STAT2: variants seen among roughly 807,000 people sequenced by gnomAD.
STAT2 encodes the protein signal transducer and activator of transcription 2.
STAT2 carries 51 observed loss-of-function variants against 122.3 expected under a neutral mutation model. That is an observed-to-expected ratio of 0.42 (90% CI 0.33 to 0.53). The LOEUF is 0.53. STAT2 is among the 20% of genes least tolerant of loss of function. STAT2 has a pLI of 0.10. For missense variants in STAT2, 736 were observed against 1,010.3 expected (o/e 0.73, Z 3.68); for synonymous variants, 351 against 394.9 (o/e 0.89, Z 1.32).
Position 56,355,359 on chromosome 12 carries a change from G to C in STAT2, c.472-8C>G. The C allele has an allele frequency of 6.2e-7, 1 of 1,614,186 alleles. No homozygotes were observed. The highest frequency in any genetic ancestry group is 1.3e-5 in the African/African-American group (1 of 75,038). On this transcript the variant is annotated splice_region_variant and splice_polypyrimidine_tract_variant and intron_variant, in intron 5 of 23. Transcript: ENST00000314128. ...GATGGATTTTACCAGCTTCTGCAGA[G>C]GGGAGAGGACCCCGATGAGGCTGCT...
At chr12:56,359,990 C>T in intron 1 of STAT2, 68 bp downstream of exon 1, 1 of 964,962 alleles carries the variant, frequency 1.0e-6, no homozygotes, top group Non-Finnish European at 1.2e-6. Flanking sequence ...GGCCAGTCGC[C>T]CTTCCCTCGG....
intron 10 of STAT2, 25 bp from the exon 11 acceptor site, chr12:56,350,913 G>T (rs1390448397): frequency 1.2e-6 from 2 of 1,613,944 alleles, no homozygotes. Flanking sequence ...GGGGATAGGG[G>T]AAAGTGGTCA....
chr12:56,354,313 G>A (rs923176314), intron 8 of STAT2, 153 bp downstream of exon 8: 145 of 1,165,918 alleles, frequency 1.2e-4, no homozygotes, highest in Non-Finnish European at 1.3e-4. Flanking sequence ...TGGTGAGGAT[G>A]AGGAGCAGAA....
intron 6 of STAT2, 114 bp downstream of exon 6, chr12:56,355,162 A>G: frequency 8.1e-7 from 1 of 1,235,088 alleles, no homozygotes; most frequent in Admixed American, 1.9e-5. Context: ...GACTGTAGTC[A>G]GTGGGGTGTG....
rs564921356 is a variant in STAT2 at position 56,352,505 on chromosome 12, C to T, written c.783-1055G>A. 5.3e-5 allele frequency: 8 copies of T among 151,914 alleles called. No individual in the cohort carries two copies. The East Asian group carries it at 1.4e-3, about 26-fold the overall frequency. The allele number at this position is 151,914 out of a possible 1,614,324, so 9.4% of individuals were successfully genotyped here. ...TGACATGGTGGCTCACACCTGTAAT[C>T]TCAGCACTTTGGGAAGCAAAGGTGG... On this transcript the variant is annotated intron_variant, in intron 8 of 23. Transcript: ENST00000314128.
Position 56,354,016 on chromosome 12 carries a change from A to AAAAAAAAAAT in STAT2, c.782+449_782+450insATTTTTTTTT, listed in dbSNP as rs71081350. On this transcript the variant is annotated intron_variant, in intron 8 of 23. Transcript: ENST00000314128. ...GTCTCAAAAAAAAAAAAAAAAAAAA[A>AAAAAAAAAAT]ATATATATATATATATATATATATA... Among the ~76,000 whole-genome samples, 60 of 16,688 alleles carry AAAAAAAAAAT rather than the reference A, an allele frequency of 3.6e-3. 1 individual carries two copies. Among genetic ancestry groups the AAAAAAAAAAT allele is most frequent in the African/African-American group, 6.4e-3 (59 of 9,184 alleles). 10.9% of individuals were successfully genotyped at this position (16,688 alleles called of 152,430 possible). A position where few individuals can be genotyped will look rare whatever the true frequency, so the allele number is the denominator to read the frequency against.
chr12:56,348,086 TG>T (rs1027856347), intron 19 of STAT2, among the ~76,000 whole-genome samples: 13 of 146,500 alleles, frequency 8.9e-5, no homozygotes, highest in African/African-American at 2.9e-4. Flanking sequence ...TATTATTGGT[TG>T]TTTTTTTTTT....
intron 22 of STAT2, among the ~76,000 whole-genome samples, chr12:56,345,043 G>A (rs1156461566): frequency 4.7e-5 from 7 of 149,900 alleles, no homozygotes; most frequent in African/African-American, 7.4e-5. Context: ...CATGGGTGGC[G>A]CTCGCCTGTA....
At chr12:56,343,559 C>G in intron 23 of STAT2, 28 bp from the exon 24 acceptor site, 1 of 1,606,482 alleles carries the variant, frequency 6.2e-7, no homozygotes, top group African/African-American at 1.3e-5. Context: ...AAAAGTGAGG[C>G]CCCGATCTTA....
intron 1 of STAT2, among the ~76,000 whole-genome samples, chr12:56,357,095 G>A (rs1879638149): frequency 6.9e-6 from 1 of 145,920 alleles, no homozygotes; most frequent in South Asian, 2.1e-4. Flanking sequence ...GGAGTGAAGT[G>A]GCATGATCTT....
chr12:56,354,059 T>TA (rs1170642104), intron 8 of STAT2, among the ~76,000 whole-genome samples: 4 of 92,644 alleles, frequency 4.3e-5, no homozygotes, highest in Admixed American at 1.4e-4. Context: ...CTGTTAAGCT[T>TA]AAAAAAAACC....
Position 56,346,530 on chromosome 12 carries a change from A to C in STAT2, c.1956T>G (p.Thr652=), listed in dbSNP as rs759410365. ...GTGGGTTTTCAGGTATATTCTCCTC[A>C]GTGAGCAACTGGTAATGGCGGATGA... The part of the protein sequence containing the change: ...TEIIRHYQLL[T]EENIPENPLR... The change falls in exon 21 of 24, where the codon ACT becomes ACG. Residue 652 remains threonine (T), a synonymous_variant. Transcript: ENST00000314128. 1 of 1,614,200 alleles carries C rather than the reference A, an allele frequency of 6.2e-7. No individual in the cohort carries two copies. Among genetic ancestry groups the C allele is most frequent in the South Asian group, 1.1e-5 (1 of 91,082 alleles).
intron 22 of STAT2, among the ~76,000 whole-genome samples, chr12:56,345,524 A>AAAAAAATATATATAT (rs1555169410): frequency 3.8e-5 from 1 of 26,250 alleles, no homozygotes; most frequent in Admixed American, 5.4e-4. Context: ...AAAAAAAAAA[A>AAAAAAATATATATAT]ATATATATAT....
At chr12:56,346,286 GCAGT>G (rs1877446116) in intron 21 of STAT2, 83 bp from the exon 22 acceptor site, 1 of 1,574,760 alleles carries the variant, frequency 6.4e-7, no homozygotes, top group Admixed American at 1.7e-5. Context: ...GATGGTCCTG[GCAGT>G]CTCATCCCCA....
At chr12:56,346,676 G>C (rs1206613168) in intron 20 of STAT2, 52 bp from the exon 21 acceptor site, 2 of 1,607,536 alleles carry the variant, frequency 1.2e-6, no homozygotes, top group East Asian at 2.2e-5. Flanking sequence ...GCCGGGCCTT[G>C]GAGCTCTCTG....
rs190492700 is a variant in STAT2 at position 56,350,526 on chromosome 12, C to T, written c.1095-94G>A. 13 of 1,177,996 alleles carry T rather than the reference C, an allele frequency of 1.1e-5. No homozygotes were observed. The Admixed American group carries it at 1.3e-4, about 11-fold the overall frequency. The allele number at this position is 1,177,996 out of a possible 1,614,324, so 73.0% of individuals were successfully genotyped here. A position where few individuals can be genotyped will look rare whatever the true frequency, so the allele number is the denominator to read the frequency against. Reference sequence around the variant, plus strand: ...GATCAGACAGACCTCGGTTCAAACCCGACTTGAGCTCACTAGCTATGTGGC... The same window carrying T: ...GATCAGACAGACCTCGGTTCAAACCTGACTTGAGCTCACTAGCTATGTGGC... On this transcript the variant is annotated intron_variant, in intron 11 of 23. Transcript: ENST00000314128.
In STAT2 at chr12:56,343,473, A is replaced by G. The variant is rs61754171; in HGVS notation, c.2472T>C (p.Ala824=). 0.018 allele frequency: 29,671 copies of G among 1,614,186 alleles called. 366 individuals are homozygous for G. Among genetic ancestry groups the G allele is most frequent in the Non-Finnish European group, 0.02 (23,532 of 1,180,002 alleles). ...AAACCTCATCCACGGTGTTCTGGCC[A>G]GCCAACAGTGGGTCACCATTCGGCA... ...EIMPNGDPLL[A]GQNTVDEVYV... is the part of the protein sequence containing the mutation. The change falls in exon 24 of 24, where the codon GCT becomes GCC. Residue 824 remains alanine (A), a synonymous_variant. Coordinates refer to ENST00000314128, the MANE Select transcript of STAT2 (RefSeq NM_005419.4).
rs971952953 is a variant in STAT2, at chr12:56,350,410, A to T, written c.1115+2T>A. On this transcript the variant is annotated splice_donor_variant, in intron 12 of 23. Coordinates refer to ENST00000314128, the MANE Select transcript of STAT2 (RefSeq NM_005419.4). LOFTEE classifies it high-confidence loss of function. ...TTTGCAGTGTCCTTGTCAAGCACCTACCCTTGTAATTGAGGAGGATTCCTG... is the reference window on the plus strand; with the variant it reads ...TTTGCAGTGTCCTTGTCAAGCACCTTCCCTTGTAATTGAGGAGGATTCCTG... 6.2e-7 allele frequency: 1 copy of T among 1,606,710 alleles called. No individual in the cohort carries two copies. The highest frequency in any genetic ancestry group is 8.5e-7 in the Non-Finnish European group (1 of 1,177,608).
intron 6 of STAT2, 108 bp from the exon 7 acceptor site, chr12:56,354,971 C>G: frequency 8.3e-7 from 1 of 1,201,372 alleles, no homozygotes; most frequent in Non-Finnish European, 1.2e-6. Context: ...GAAAGGGAAA[C>G]CAAGCAAAGC....
Sources: allele counts gnomAD v4.1 joint callset (sites outside exome capture counted in the v4.1 genomes callset), GRCh38; gene constraint gnomAD v4.1.1; transcripts MANE v1.5; gene names NCBI Gene and HGNC (gene_info 2026-07-23, HGNC 2026-07-21).